PCDHGC5: variants seen among roughly 807,000 people sequenced by gnomAD.
PCDHGC5 encodes the protein protocadherin gamma-C5.
In PCDHGC5, 25 loss-of-function variants were observed where a neutral mutation model predicts 59.0. The observed-to-expected ratio is 0.42, with a 90% CI of 0.31 to 0.59. The LOEUF is 0.59. Ranked by LOEUF, PCDHGC5 falls within the 20% of genes least tolerant of loss-of-function variation. The pLI is 0.13. For missense variants in PCDHGC5, 1,067 were observed against 1,206.4 expected (o/e 0.88, Z 1.71); for synonymous variants, 434 against 505.5 (o/e 0.86, Z 1.90).
At position 141,494,824 on chromosome 5, in the gene PCDHGC5, G is replaced by C; in HGVS notation, c.2478G>C (p.Thr826=). 6.2e-7 allele frequency: 1 copy of C among 1,614,042 alleles called. No individual in the cohort carries two copies. Among genetic ancestry groups the C allele is most frequent in the East Asian group, 2.2e-5 (1 of 44,866 alleles). The change falls in exon 2 of 4, where the codon ACG becomes ACC. Residue 826 remains threonine, a synonymous_variant. Transcript: ENST00000252087. The part of the protein sequence containing the change: ...RERSQQAPPN[T]DWRFSQAQRP... ...CTCCACAGCAAGCCCCGCCCAACAC[G>C]GACTGGCGTTTCTCTCAGGCCCAGA...
At chr5:141,504,959 T>C (rs1297800554) in intron 2 of PCDHGC5, among the ~76,000 whole-genome samples, 2 of 152,038 alleles carry the variant, frequency 1.3e-5, no homozygotes, top group Non-Finnish European at 2.9e-5. Flanking sequence ...GTTCAATGCA[T>C]TGGACCAGCC....
intron 2 of PCDHGC5, among the ~76,000 whole-genome samples, chr5:141,497,578 T>C (rs2099778035): frequency 1.3e-5 from 2 of 150,806 alleles, no homozygotes; most frequent in South Asian, 4.2e-4. Context: ...CTTGCTCTGT[T>C]GCCCAAGCTG....
chr5:141,494,400 C>A (rs2099754045), intron 1 of PCDHGC5, among the ~76,000 whole-genome samples: 1 of 152,158 alleles, frequency 6.6e-6, no homozygotes, highest in African/African-American at 2.4e-5. Flanking sequence ...TAAATTCATT[C>A]TAGGGCTGGT....
rs1055747392 is a variant in PCDHGC5 at position 141,490,298 on chromosome 5, C to G, written c.1058C>G (p.Ala353Gly). 6.2e-7 allele frequency: 1 copy of G among 1,614,178 alleles called. No individual in the cohort carries two copies. The highest frequency in any genetic ancestry group is 1.3e-5 in the African/African-American group (1 of 75,036). The change falls in exon 1 of 4, where the codon GCC (alanine) becomes GGC (glycine). Residue 353 changes from alanine (A) to glycine (G), a missense_variant. By Grantham distance (60) the Ala-to-Gly change is moderately conservative. Transcript: ENST00000252087. The surrounding 1 kb of genome is among the most constrained non-coding windows in gnomAD (Gnocchi z 5.4). Reference protein sequence around the residue: ...VNDNAPEVLLASLANPVLEST... With the variant: ...VNDNAPEVLLGSLANPVLEST... ...GACAATGCCCCAGAGGTGCTATTGG[C>G]CTCTTTGGCCAACCCTGTCCTAGAG...
Position 141,490,509 on chromosome 5 carries a change from G to A in PCDHGC5, c.1269G>A (p.Glu423=). 6.2e-7 allele frequency: 1 copy of A among 1,614,072 alleles called. No individual in the cohort carries two copies. Residue 423 remains glutamate (E), a synonymous_variant, in exon 1 of 4, where the codon GAG becomes GAA. Transcript: ENST00000252087. The surrounding 1 kb of genome is among the most constrained non-coding windows in gnomAD (Gnocchi z 5.4). ...AGGCCACATCCCACTATATCATCGA[G>A]CTGCTGGCCAGCGATGCTGGTTCAC... ...DREATSHYII[E]LLASDAGSPS...
At chr5:141,505,604 G>T (rs772730114) in intron 3 of PCDHGC5, 123 bp downstream of exon 3, 1 of 1,535,418 alleles carries the variant, frequency 6.5e-7, no homozygotes, top group Non-Finnish European at 8.8e-7. Flanking sequence ...CTTTCGGCAG[G>T]TCTGAAAGGA....
intron 1 of PCDHGC5, among the ~76,000 whole-genome samples, chr5:141,494,034 A>T (rs1206242414): frequency 1.3e-5 from 2 of 152,162 alleles, no homozygotes; most frequent in Non-Finnish European, 2.9e-5. Flanking sequence ...CTGGAGACTT[A>T]GTTGGCCCTG....
Position 141,490,486 on chromosome 5 carries a change from G to A in PCDHGC5, c.1246G>A (p.Ala416Thr), listed in dbSNP as rs1187388706. The A allele has an allele frequency of 1.2e-6, 2 of 1,614,090 alleles. No individual in the cohort carries two copies. Residue 416 changes from alanine (A) to threonine (T), a missense_variant, in exon 1 of 4, where the codon GCC becomes ACC. Ala to Thr is a moderately conservative substitution (Grantham distance 58). Transcript: ENST00000252087. The surrounding 1 kb of genome is among the most constrained non-coding windows in gnomAD (Gnocchi z 5.4). ...LLTSQPLDRE[A>T]TSHYIIELLA... ...AACCAGCCAGCCTTTGGACCGGGAG[G>A]CCACATCCCACTATATCATCGAGCT...
chr5:141,495,323 G>C (rs1029646773), intron 2 of PCDHGC5, among the ~76,000 whole-genome samples: 2 of 152,214 alleles, frequency 1.3e-5, no homozygotes, highest in African/African-American at 4.8e-5. Context: ...AGCCGAGGCT[G>C]ACTGCAGCCT....
In PCDHGC5 at chr5:141,489,993, C is replaced by T. The variant is rs1413894892; in HGVS notation, c.753C>T (p.Ile251=). 18 of 1,614,186 alleles carry T rather than the reference C, an allele frequency of 1.1e-5. No individual in the cohort carries two copies. The highest frequency in any genetic ancestry group is 1.5e-5 in the Non-Finnish European group (18 of 1,179,990). The change falls in exon 1 of 4, where the codon ATC becomes ATT. Residue 251 remains isoleucine, a synonymous_variant. Transcript: ENST00000252087. The surrounding 1 kb of genome is among the most constrained non-coding windows in gnomAD (Gnocchi z 4.5). ...TFQSSVLRVG[I]PENAPIGTLL... ...AATCCTCAGTTCTACGTGTGGGAAT[C>T]CCAGAGAATGCACCCATTGGTACTC...
chr5:141,506,209 G>A (rs549403288), intron 3 of PCDHGC5, among the ~76,000 whole-genome samples: 3 of 152,284 alleles, frequency 2.0e-5, no homozygotes, highest in African/African-American at 7.2e-5. Context: ...CCAGCACTTT[G>A]GGAAGCTGAG....
Position 141,490,522 on chromosome 5 carries a change from G to A in PCDHGC5, c.1282G>A (p.Asp428Asn), listed in dbSNP as rs191201177. ...CTATATCATCGAGCTGCTGGCCAGC[G>A]ATGCTGGTTCACCTTCCCTACACAA... The part of the protein sequence containing the change: ...SHYIIELLAS[D>N]AGSPSLHKHL... The change falls in exon 1 of 4, where the codon GAT (aspartate) becomes AAT (asparagine). Residue 428 changes from aspartate to asparagine, a missense_variant. By Grantham distance (23) the Asp-to-Asn change is conservative (BLOSUM62 1). Transcript: ENST00000252087. This position sits in a 1 kb window ranked among gnomAD's most constrained non-coding sequence, Gnocchi z 5.4. 5.0e-6 allele frequency: 8 copies of A among 1,614,054 alleles called. No homozygotes were observed. Among genetic ancestry groups the A allele is most frequent in the Admixed American group, 3.3e-5 (2 of 60,010 alleles).
In PCDHGC5 at chr5:141,511,335, A is replaced by T; in HGVS notation, c.*162A>T. 7.0e-7 allele frequency: 1 copy of T among 1,438,820 alleles called. No homozygotes were observed. The highest frequency in any genetic ancestry group is 9.2e-7 in the Non-Finnish European group (1 of 1,083,596). The allele number at this position is 1,438,820 out of a possible 1,614,324, so 89.1% of individuals were successfully genotyped here. A position where few individuals can be genotyped will look rare whatever the true frequency, so the allele number is the denominator to read the frequency against. On this transcript the variant is annotated 3_prime_UTR_variant, in exon 4 of 4. Coordinates refer to ENST00000252087, the MANE Select transcript of PCDHGC5 (RefSeq NM_018929.3). ...AAACAGAAACAAGTGCCCAGTCAGC[A>T]CCTACCCCTTCCCCCCCAGGGGGTT...
chr5:141,489,093 A>T lies in PCDHGC5; in HGVS notation c.-148A>T. ...GCCCACCCCCGCCACTCGGTGACTA[A>T]GAACTGCTGCAAGCAGGCAAACCTC... is the stretch of plus-strand genomic sequence containing the variant. On this transcript the variant is annotated 5_prime_UTR_variant, in exon 1 of 4. The change creates a new upstream start codon in the 5' untranslated region. Coordinates refer to ENST00000252087, the MANE Select transcript of PCDHGC5 (RefSeq NM_018929.3). This position sits in a 1 kb window ranked among gnomAD's most constrained non-coding sequence, Gnocchi z 4.5. 2.1e-6 allele frequency: 1 copy of T among 477,272 alleles called. No individual in the cohort carries two copies. Among genetic ancestry groups the T allele is most frequent in the Non-Finnish European group, 3.6e-6 (1 of 276,700 alleles). The allele number at this position is 477,272 out of a possible 1,614,324, so 29.6% of individuals were successfully genotyped here.
intron 3 of PCDHGC5, among the ~76,000 whole-genome samples, chr5:141,509,808 G>A (rs905531504): frequency 3.9e-5 from 6 of 152,028 alleles, no homozygotes; most frequent in Non-Finnish European, 7.4e-5. Context: ...TCATAGAGCC[G>A]AGCTCTTCTC....
intron 3 of PCDHGC5, 93 bp downstream of exon 3, chr5:141,505,574 C>G: frequency 6.3e-7 from 1 of 1,593,636 alleles, no homozygotes; most frequent in South Asian, 1.1e-5. Flanking sequence ...GGATGTCAAA[C>G]CTGTGTAGTT....
chr5:141,490,978 C>T lies in PCDHGC5; in HGVS notation c.1738C>T (p.Pro580Ser). 6.2e-7 allele frequency: 1 copy of T among 1,614,100 alleles called. No individual in the cohort carries two copies. Among genetic ancestry groups the T allele is most frequent in the Non-Finnish European group, 8.5e-7 (1 of 1,180,034 alleles). ...GGAACACTCAGCCCCCCAGCGTCTC[C>T]CTCGCTCTGCTCCTCCTGGCTCCTT... is the stretch of plus-strand genomic sequence containing the variant. ...DWEHSAPQRL[P>S]RSAPPGSLVT... is the part of the protein sequence containing the mutation. The change falls in exon 1 of 4, where the codon CCT becomes TCT. Residue 580 changes from proline to serine, a missense_variant. Coordinates refer to ENST00000252087, the MANE Select transcript of PCDHGC5 (RefSeq NM_018929.3). The surrounding 1 kb of genome is among the most constrained non-coding windows in gnomAD (Gnocchi z 5.4).
chr5:141,495,122 C>T (rs1365586518), intron 2 of PCDHGC5, among the ~76,000 whole-genome samples: 2 of 152,282 alleles, frequency 1.3e-5, no homozygotes, highest in East Asian at 3.9e-4. Flanking sequence ...TTCCTATCCC[C>T]TGAGGGCACT....
intron 2 of PCDHGC5, 141 bp downstream of exon 2, chr5:141,495,006 G>A (rs1030195663): frequency 1.3e-6 from 2 of 1,521,564 alleles, no homozygotes; most frequent in Non-Finnish European, 1.8e-6. Flanking sequence ...CTTGGTGTGC[G>A]GGGGGCTGGC....
Sources: allele counts gnomAD v4.1 joint callset (sites outside exome capture counted in the v4.1 genomes callset), GRCh38; gene constraint gnomAD v4.1.1; non-coding constraint Gnocchi (gnomAD v3.1); transcripts MANE v1.5; gene names NCBI Gene and HGNC (gene_info 2026-07-23, HGNC 2026-07-21).